Variants in RNF13 observed in about 807,000 individuals in gnomAD.
The protein encoded by RNF13 is ring finger protein 13, also known as E3 ubiquitin-protein ligase RNF13.
In RNF13, 19 loss-of-function variants were observed where a neutral mutation model predicts 37.7. That is an observed-to-expected ratio of 0.50 (90% CI 0.35 to 0.74). The LOEUF is 0.74. RNF13 is among the 30% of genes least tolerant of loss of function. The probability of loss-of-function intolerance (pLI) is 0.01; values close to 1 mark genes in which losing one functional copy is unlikely to be tolerated. For synonymous variants in RNF13, 144 were observed against 157.8 expected, an observed-to-expected ratio of 0.91 and a Z score of 0.65; for missense variants, 375 against 453.0, an observed-to-expected ratio of 0.83 and a Z score of 1.56.
At chr3:149,897,088 A>G (rs991592517) in intron 5 of RNF13, among the ~76,000 whole-genome samples, 8 of 152,204 alleles carry the variant, frequency 5.3e-5, no homozygotes, top group African/African-American at 9.6e-5. Context: ...TCCCTCTTAA[A>G]AAAAATTATC....
chr3:149,893,106 T>C (rs183593710), intron 4 of RNF13, among the ~76,000 whole-genome samples: 82 of 152,288 alleles, frequency 5.4e-4, no homozygotes, highest in Non-Finnish European at 8.4e-4. Context: ...GACTTTCTGA[T>C]TGATCCTCAA....
intron 1 of RNF13, chr3:149,822,593 T>A (rs1489416912): frequency 1.3e-5 from 2 of 152,178 alleles, no homozygotes; most frequent in Admixed American, 6.5e-5. Flanking sequence ...CTGATTTCCC[T>A]GAATGTGAAA....
chr3:149,840,575 T>G (rs753018431), intron 1 of RNF13, among the ~76,000 whole-genome samples: 24 of 152,300 alleles, frequency 1.6e-4, no homozygotes, highest in Non-Finnish European at 1.6e-4. Context: ...TGCTGGGGGA[T>G]AAGAGTCTCG....
intron 1 of RNF13, among the ~76,000 whole-genome samples, chr3:149,831,077 G>A (rs1720986406): frequency 6.6e-6 from 1 of 152,266 alleles, no homozygotes; most frequent in Non-Finnish European, 1.5e-5. Flanking sequence ...GAAATGCCTG[G>A]ATGTCCAGAC....
At chr3:149,878,165 T>C (rs1271264806) in intron 4 of RNF13, among the ~76,000 whole-genome samples, 1 of 152,162 alleles carries the variant, frequency 6.6e-6, no homozygotes, top group Non-Finnish European at 1.5e-5. Context: ...AGGTATCCTT[T>C]AATCACAGAC....
At chr3:149,883,970 C>T (rs577470591) in intron 4 of RNF13, among the ~76,000 whole-genome samples, 12 of 152,232 alleles carry the variant, frequency 7.9e-5, no homozygotes, top group East Asian at 5.8e-4. Context: ...TCTGTTTCTG[C>T]GTTAGTTTGC....
chr3:149,952,197 C>G (rs1721409174), intron 8 of RNF13, among the ~76,000 whole-genome samples: 1 of 152,252 alleles, frequency 6.6e-6, no homozygotes, highest in African/African-American at 2.4e-5. Flanking sequence ...TAAAACCTGG[C>G]ATGCCCTTTG....
At chr3:149,889,030 C>T (rs1714359583) in intron 4 of RNF13, among the ~76,000 whole-genome samples, 1 of 152,098 alleles carries the variant, frequency 6.6e-6, no homozygotes, top group Non-Finnish European at 1.5e-5. Context: ...CCTCCGCCTC[C>T]TGGGTTCAAG....
rs180891149 is a variant in RNF13, at chr3:149,948,217, G to A, written c.701-11839G>A. On this transcript the variant is annotated intron_variant, in intron 8 of 9. Transcript: ENST00000392894. Reference sequence around the variant, plus strand: ...GCCCACCTCGGCCTCCCAAAGTGCTGGCATTACAGGTGTGAGCCACCGTGC... The same window carrying A: ...GCCCACCTCGGCCTCCCAAAGTGCTAGCATTACAGGTGTGAGCCACCGTGC... 3.2e-3 allele frequency among the ~76,000 whole-genome samples: 488 copies of A among 152,234 alleles called. 14 individuals carry two copies. Among genetic ancestry groups the A allele is most frequent in the Admixed American group, 0.028 (430 of 15,284 alleles).
chr3:149,923,783 A>AG (rs60328296), intron 8 of RNF13, among the ~76,000 whole-genome samples: 2 of 151,068 alleles, frequency 1.3e-5, no homozygotes, highest in Non-Finnish European at 1.5e-5. Context: ...AAAAAAAAAA[A>AG]GAAAAGTTTA....
chr3:149,939,561 C>A, intron 8 of RNF13: 1 of 594,448 alleles, frequency 1.7e-6, no homozygotes, highest in Admixed American at 1.9e-5. Flanking sequence ...CAGACATTTT[C>A]AAAGTTGCCA....
At chr3:149,951,365 A>C (rs1164446989) in intron 8 of RNF13, among the ~76,000 whole-genome samples, 2 of 152,224 alleles carry the variant, frequency 1.3e-5, no homozygotes. Flanking sequence ...AATTACTACC[A>C]TGGCTATGGT....
At chr3:149,847,629 A>C (rs1722769839) in intron 2 of RNF13, among the ~76,000 whole-genome samples, 1 of 152,018 alleles carries the variant, frequency 6.6e-6, no homozygotes, top group East Asian at 1.9e-4. Context: ...GGTCTTTTTG[A>C]GGTGGAATGG....
chr3:149,906,386 A>G (rs1489324174), intron 6 of RNF13, among the ~76,000 whole-genome samples: 1 of 152,032 alleles, frequency 6.6e-6, no homozygotes, highest in Non-Finnish European at 1.5e-5. Flanking sequence ...TGGTAACTCT[A>G]TGTTTAACAC....
intron 8 of RNF13, among the ~76,000 whole-genome samples, chr3:149,948,959 C>T (rs1352520568): frequency 5.3e-5 from 8 of 151,522 alleles, no homozygotes; most frequent in African/African-American, 9.7e-5. Flanking sequence ...GCCTGGGAGG[C>T]GAAGGTTGCC....
At chr3:149,951,141 T>C (rs1721291303) in intron 8 of RNF13, among the ~76,000 whole-genome samples, 1 of 152,134 alleles carries the variant, frequency 6.6e-6, no homozygotes. Flanking sequence ...CTCTCAGACT[T>C]GTCCACACTG....
chr3:149,872,299 A>C, intron 4 of RNF13, 145 bp downstream of exon 4: 1 of 613,482 alleles, frequency 1.6e-6, no homozygotes, highest in Non-Finnish European at 2.7e-6. Flanking sequence ...AATAGAAATA[A>C]TGTTTACTGG....
rs1722392299 is a variant in RNF13 at position 149,961,290 on chromosome 3, A to G, written c.*186A>G. On this transcript the variant is annotated 3_prime_UTR_variant, in exon 10 of 10. Coordinates refer to ENST00000392894, the MANE Select transcript of RNF13 (RefSeq NM_183381.3). ...CTGCCAAGAATATACTTCATTCACT[A>G]ATAATAGACTGGTGCTGTAACTCAA... 4.4e-6 allele frequency: 3 copies of G among 682,110 alleles called. No individual in the cohort carries two copies. Among genetic ancestry groups the G allele is most frequent in the Non-Finnish European group, 7.8e-6 (3 of 382,626 alleles). 42.3% of individuals were successfully genotyped at this position (682,110 alleles called of 1,614,324 possible). A position where few individuals can be genotyped will look rare whatever the true frequency, so the allele number is the denominator to read the frequency against.
chr3:149,871,885 C>A, intron 3 of RNF13, 144 bp from the exon 4 acceptor site: 1 of 502,942 alleles, frequency 2.0e-6, no homozygotes, highest in Non-Finnish European at 3.3e-6. Context: ...TTTAGAAGTT[C>A]CGTGATTGTG....
Sources: allele counts gnomAD v4.1 joint callset (sites outside exome capture counted in the v4.1 genomes callset), GRCh38; gene constraint gnomAD v4.1.1; transcripts MANE v1.5; gene names NCBI Gene and HGNC (gene_info 2026-07-23, HGNC 2026-07-21).